CACNB2: variants seen among roughly 807,000 people sequenced by gnomAD.
CACNB2 encodes calcium voltage-gated channel auxiliary subunit beta 2.
In CACNB2, 42 loss-of-function variants were observed where a neutral mutation model predicts 73.3. The ratio of observed to expected loss-of-function variants is 0.57; its 90% CI spans 0.45 to 0.74. The LOEUF is 0.74. CACNB2 is among the 30% of genes least tolerant of loss of function. The probability of loss-of-function intolerance (pLI) is 0.00; values close to 1 mark genes in which losing one functional copy is unlikely to be tolerated. For missense variants in CACNB2, 940 were observed against 853.0 expected, an observed-to-expected ratio of 1.10 and a Z score of -1.27; for synonymous variants, 348 against 310.3, an observed-to-expected ratio of 1.12 and a Z score of -1.28.
In CACNB2 at chr10:18,491,617, A is replaced by G. The variant is rs576207605; in HGVS notation, c.334-6738A>G. ...AAACAATCTGGTAGGCTTCCAGACC[A>G]AAAGTAACTTTTGTAGTTCGAACAA... On this transcript the variant is annotated intron_variant, in intron 3 of 13. Coordinates refer to ENST00000324631, the MANE Select transcript of CACNB2 (RefSeq NM_201596.3). 1.4e-3 allele frequency among the ~76,000 whole-genome samples: 210 copies of G among 152,114 alleles called. 2 individuals are homozygous for G. The highest frequency in any genetic ancestry group is 2.0e-3 in the Non-Finnish European group (138 of 68,012).
At chr10:18,534,344 G>T in intron 11 of CACNB2, 117 bp downstream of exon 11, 3 of 933,888 alleles carry the variant, frequency 3.2e-6, no homozygotes, top group Non-Finnish European at 5.2e-6. Flanking sequence ...AGAATTTGAG[G>T]AGACATGATA....
At chr10:18,219,535 C>T (rs1031972010) in intron 2 of CACNB2, among the ~76,000 whole-genome samples, 1 of 152,154 alleles carries the variant, frequency 6.6e-6, no homozygotes, top group Admixed American at 6.6e-5. Context: ...GACAAGTTGT[C>T]CAGCACCAGA....
At chr10:18,168,356 G>A (rs527770191) in intron 2 of CACNB2, among the ~76,000 whole-genome samples, 23 of 152,252 alleles carry the variant, frequency 1.5e-4, no homozygotes, top group African/African-American at 5.5e-4. Flanking sequence ...ACTAGTAGGA[G>A]AAGAATTCTT....
At chr10:18,363,949 A>ATTT (rs529275417) in intron 2 of CACNB2, among the ~76,000 whole-genome samples, 23 of 139,238 alleles carry the variant, frequency 1.7e-4, no homozygotes, top group South Asian at 4.6e-4. Flanking sequence ...AGGCAGTTTA[A>ATTT]TTTTTTTTTT....
At chr10:18,210,432 G>T (rs528681672) in intron 2 of CACNB2, among the ~76,000 whole-genome samples, 68 of 151,904 alleles carry the variant, frequency 4.5e-4, no homozygotes, top group African/African-American at 1.4e-3. Context: ...GTGAAGAATG[G>T]TTTTTTTTCC....
At chr10:18,494,631 CAA>C (rs909672661) in intron 3 of CACNB2, among the ~76,000 whole-genome samples, 14 of 61,818 alleles carry the variant, frequency 2.3e-4, no homozygotes, top group Admixed American at 3.5e-4. Flanking sequence ...GACTCCGTCT[CAA>C]AAAAAAAAAA....
chr10:18,323,891 T>G (rs2040484813), intron 2 of CACNB2, among the ~76,000 whole-genome samples: 1 of 152,208 alleles, frequency 6.6e-6, no homozygotes, highest in South Asian at 2.1e-4. Flanking sequence ...TTGAACACAT[T>G]GAAATGAGAC....
chr10:18,495,224 T>A (rs891034907), intron 3 of CACNB2, among the ~76,000 whole-genome samples: 4 of 151,744 alleles, frequency 2.6e-5, no homozygotes, highest in Admixed American at 1.3e-4. Flanking sequence ...GGGAGTCTTT[T>A]TTTTTTTTTT....
chr10:18,209,536 A>G (rs548095056), intron 2 of CACNB2, among the ~76,000 whole-genome samples: 1 of 152,180 alleles, frequency 6.6e-6, no homozygotes, highest in African/African-American at 2.4e-5. Flanking sequence ...TACACAGGCA[A>G]TGAAGGGGTC....
At chr10:18,311,470 C>G (rs2039963459) in intron 2 of CACNB2, among the ~76,000 whole-genome samples, 1 of 152,126 alleles carries the variant, frequency 6.6e-6, no homozygotes, top group Non-Finnish European at 1.5e-5. Flanking sequence ...TCCCCAAAGC[C>G]TTACTACTAA....
chr10:18,335,979 A>G (rs2040990049), intron 2 of CACNB2, among the ~76,000 whole-genome samples: 1 of 152,112 alleles, frequency 6.6e-6, no homozygotes, highest in Non-Finnish European at 1.5e-5. Context: ...ACATTTTTCT[A>G]TTGTAAATAT....
In CACNB2 at chr10:18,140,611, C is replaced by T. The variant is rs550253257; in HGVS notation, c.-126C>T. 5.1e-4 allele frequency: 359 copies of T among 710,184 alleles called. 2 individuals are homozygous for T. The East Asian group carries it at 0.012, about 23-fold the overall frequency. 44.0% of individuals were successfully genotyped at this position (710,184 alleles called of 1,614,324 possible). On this transcript the variant is annotated 5_prime_UTR_variant, in exon 1 of 14. Transcript: ENST00000324631. ...CCCGGGGCGCTGCGGGGCGCTGCGC[C>T]GAGAACGGCCGGGCCTGAGCCCTGG...
chr10:18,408,470 C>T (rs560457085), intron 3 of CACNB2, among the ~76,000 whole-genome samples: 1 of 152,128 alleles, frequency 6.6e-6, no homozygotes, highest in African/African-American at 2.4e-5. Flanking sequence ...AACTCCTGAC[C>T]TCAAGTGATC....
intron 3 of CACNB2, among the ~76,000 whole-genome samples, chr10:18,407,594 T>C (rs1445558187): frequency 1.3e-5 from 2 of 152,180 alleles, no homozygotes; most frequent in Non-Finnish European, 2.9e-5. Flanking sequence ...AGTTCAGTTC[T>C]GGAAACTGCC....
intron 2 of CACNB2, among the ~76,000 whole-genome samples, chr10:18,367,911 G>C (rs2042421627): frequency 6.6e-6 from 1 of 152,086 alleles, no homozygotes; most frequent in African/African-American, 2.4e-5. Context: ...AAAGACTTAA[G>C]AATTCTAAGT....
chr10:18,327,837 C>T (rs2040644552), intron 2 of CACNB2, among the ~76,000 whole-genome samples: 2 of 152,170 alleles, frequency 1.3e-5, no homozygotes, highest in African/African-American at 2.4e-5. Context: ...GTTTGGCACA[C>T]TAGAGCCTCT....
intron 11 of CACNB2, 142 bp from the exon 12 acceptor site, chr10:18,535,959 T>C: frequency 3.3e-6 from 2 of 612,570 alleles, no homozygotes; most frequent in East Asian, 5.7e-5. Flanking sequence ...CATGTTAATT[T>C]TGCAGATAAT....
intron 2 of CACNB2, among the ~76,000 whole-genome samples, chr10:18,221,123 A>T (rs1054714813): frequency 6.6e-6 from 1 of 152,236 alleles, no homozygotes; most frequent in African/African-American, 2.4e-5. Flanking sequence ...CAGCCAGGCC[A>T]CTTTATGCCT....
intron 1 of CACNB2, 112 bp downstream of exon 1, chr10:18,140,968 C>T (rs891427579): frequency 6.6e-7 from 1 of 1,518,480 alleles, no homozygotes; most frequent in African/African-American, 1.4e-5. Flanking sequence ...CACCTCCTCC[C>T]CTCGTCGCCT....
Sources: gnomAD v4.1 joint callset for allele counts (sites outside exome capture counted in the v4.1 genomes callset) on GRCh38, gnomAD v4.1.1 for gene constraint, MANE v1.5 for transcripts, NCBI Gene and HGNC (gene_info 2026-07-23, HGNC 2026-07-21) for gene names.